Variants in INTS4 observed in about 807,000 individuals in gnomAD.
INTS4 encodes the protein integrator complex subunit 4, also known as MSTP093.
INTS4 carries 70 observed loss-of-function variants against 119.5 expected under a neutral mutation model. That is an observed-to-expected ratio of 0.59 (90% CI 0.48 to 0.71). The LOEUF (loss-of-function observed/expected upper bound fraction) is 0.71. Ranked by LOEUF, INTS4 falls within the 30% of genes least tolerant of loss-of-function variation. The pLI is 0.00. For synonymous variants in INTS4, 316 were observed against 419.6 expected, an observed-to-expected ratio of 0.75 and a Z score of 3.02; for missense variants, 867 against 1,173.2, an observed-to-expected ratio of 0.74 and a Z score of 3.81.
intron 21 of INTS4, among the ~76,000 whole-genome samples, chr11:77,890,328 C>G (rs1413317395): frequency 6.6e-6 from 1 of 152,186 alleles, no homozygotes; most frequent in Non-Finnish European, 1.5e-5. Flanking sequence ...ATCCTTACCT[C>G]CTCCAGGAAG....
intron 15 of INTS4, among the ~76,000 whole-genome samples, chr11:77,908,957 A>G (rs1049982018): frequency 5.3e-5 from 8 of 152,200 alleles, no homozygotes; most frequent in Non-Finnish European, 8.8e-5. Flanking sequence ...CCCAAGCCCA[A>G]TTCCAAGTAG....
chr11:77,991,089 ATCC>A lies in INTS4; in HGVS notation c.246+16_246+18del. ...AACTCCCATGATATACTCCCATCAG[ATCC>A]TCAAGATTTTCTTACCTTGTAATAA... On this transcript the variant is annotated intron_variant, in intron 2 of 22. Transcript: ENST00000534064. 1 of 1,605,202 alleles carries A rather than the reference ATCC, an allele frequency of 6.2e-7. No individual in the cohort carries two copies. The highest frequency in any genetic ancestry group is 2.2e-5 in the East Asian group (1 of 44,814).
At chr11:77,937,045 G>A (rs1476012366) in intron 10 of INTS4, among the ~76,000 whole-genome samples, 2 of 151,890 alleles carry the variant, frequency 1.3e-5, no homozygotes, top group African/African-American at 4.8e-5. Flanking sequence ...AGTGGTCGCG[G>A]GCACCTGCAG....
At chr11:77,975,895 T>C (rs1272477512) in intron 4 of INTS4, among the ~76,000 whole-genome samples, 1 of 150,720 alleles carries the variant, frequency 6.6e-6, no homozygotes, top group African/African-American at 2.4e-5. Flanking sequence ...GGCAGAGGTG[T>C]CAGTGAGCCG....
chr11:77,907,297 C>T (rs1417779893), intron 16 of INTS4, among the ~76,000 whole-genome samples: 1 of 152,150 alleles, frequency 6.6e-6, no homozygotes, highest in Non-Finnish European at 1.5e-5. Flanking sequence ...TGGTCTCAAA[C>T]TCTTGAGCTC....
At chr11:77,977,623 TAC>T (rs1308082027) in intron 4 of INTS4, among the ~76,000 whole-genome samples, 3 of 151,530 alleles carry the variant, frequency 2.0e-5, no homozygotes, top group African/African-American at 7.2e-5. Flanking sequence ...CATTTTTCTT[TAC>T]AGTTTTCAGT....
chr11:77,924,820 T>G lies in INTS4; in HGVS notation c.1444A>C (p.Ile482Leu), dbSNP rs1393684944. The G allele has an allele frequency of 6.3e-7, 1 of 1,590,388 alleles. No individual in the cohort carries two copies. Among genetic ancestry groups the G allele is most frequent in the Non-Finnish European group, 8.6e-7 (1 of 1,158,502 alleles). ...CCTNVSTKEG[I>L]HLALVELLKN... Reference sequence around the variant, plus strand: ...AGCAGCTCCACCAATGCAAGATGAATCCCTTCTTTGGTTGAAACATTAGTA... The same window carrying G: ...AGCAGCTCCACCAATGCAAGATGAAGCCCTTCTTTGGTTGAAACATTAGTA... The change falls in exon 12 of 23, where the codon ATT (isoleucine) becomes CTT (leucine). Residue 482 changes from isoleucine to leucine, a missense_variant. This residue lies in a region of INTS4 where 51 missense variants were observed against 125.5 expected (regional missense o/e 0.41). Transcript: ENST00000534064.
At position 77,883,847 on chromosome 11, in the gene INTS4, G is replaced by A. The variant is rs373879901; in HGVS notation, c.2698C>T (p.His900Tyr). The A allele has an allele frequency of 1.2e-6, 2 of 1,612,708 alleles. No homozygotes were observed. The highest frequency in any genetic ancestry group is 1.3e-5 in the African/African-American group (1 of 74,896). ...HRLITQVYLS[H>Y]TAWTEACQVE... ...GACTCCTTACCTGTCCAAGCGGTGT[G>A]GGAGAGATAAACCTGAGTGATGAGC... The change falls in exon 22 of 23, where the codon CAC (histidine) becomes TAC (tyrosine). Residue 900 changes from histidine to tyrosine, a missense_variant. His to Tyr is a moderately conservative substitution (Grantham distance 83). This residue lies in a region of INTS4 where 122 missense variants were observed against 133.2 expected (regional missense o/e 0.92). Coordinates refer to ENST00000534064, the MANE Select transcript of INTS4 (RefSeq NM_033547.4).
intron 4 of INTS4, among the ~76,000 whole-genome samples, chr11:77,968,142 T>TAAC (rs1855573303): frequency 6.6e-6 from 1 of 152,176 alleles, no homozygotes; most frequent in Non-Finnish European, 1.5e-5. Context: ...TATAATATTA[T>TAAC]AACCTTATGG....
Position 77,894,296 on chromosome 11 carries a change from A to C in INTS4, c.2282T>G (p.Phe761Cys). ...AGAGTTATAAAATACTTACCTCTGA[A>C]AAAAGTCTACTTCCTGTAAAAATTT... The part of the protein sequence containing the change: ...CEKFLQEVDF[F>C]QRYFIADLPH... The change falls in exon 19 of 23, where the codon TTT (phenylalanine) becomes TGT (cysteine). Residue 761 changes from phenylalanine (F) to cysteine (C), a missense_variant. Transcript: ENST00000534064. 1 of 1,536,740 alleles carries C rather than the reference A, an allele frequency of 6.5e-7. No individual in the cohort carries two copies. The highest frequency in any genetic ancestry group is 9.0e-7 in the Non-Finnish European group (1 of 1,115,506).
intron 4 of INTS4, among the ~76,000 whole-genome samples, chr11:77,975,733 G>A (rs935390767): frequency 1.4e-4 from 21 of 152,010 alleles, no homozygotes; most frequent in Admixed American, 9.2e-4. Flanking sequence ...CGAGGCGGGC[G>A]GATCATGAGG....
At chr11:77,990,925 G>A (rs1487437265) in intron 2 of INTS4, among the ~76,000 whole-genome samples, 183 bp downstream of exon 2, 2 of 151,982 alleles carry the variant, frequency 1.3e-5, no homozygotes, top group South Asian at 2.1e-4. Context: ...ACTATACACA[G>A]TATAACTTTC....
At chr11:77,877,110 C>A, downstream of INTS4, 1 of 695,174 alleles carries the variant, frequency 1.4e-6, no homozygotes, top group South Asian at 1.5e-5. Flanking sequence ...GTCCCTCTTT[C>A]GCACTCATGA....
intron 18 of INTS4, among the ~76,000 whole-genome samples, chr11:77,897,064 TG>T (rs1952556956): frequency 6.6e-6 from 1 of 151,978 alleles, no homozygotes; most frequent in African/African-American, 2.4e-5. Flanking sequence ...TATTCTGGTG[TG>T]GCGGGGGTTG....
At chr11:77,940,046 G>T (rs1381197272) in intron 9 of INTS4, among the ~76,000 whole-genome samples, 2 of 151,970 alleles carry the variant, frequency 1.3e-5, no homozygotes, top group Non-Finnish European at 2.9e-5. Context: ...TACTAACAAT[G>T]AATGTACATA....
intron 15 of INTS4, among the ~76,000 whole-genome samples, chr11:77,912,818 C>T (rs920228870): frequency 3.3e-5 from 5 of 152,164 alleles, no homozygotes; most frequent in African/African-American, 1.2e-4. Context: ...TCCAATACTA[C>T]ACAATAGGTG....
chr11:77,959,084 G>C (rs1421743102), intron 6 of INTS4, among the ~76,000 whole-genome samples: 1 of 152,110 alleles, frequency 6.6e-6, no homozygotes, highest in Non-Finnish European at 1.5e-5. Flanking sequence ...AAAACATCTA[G>C]AACAGATCAA....
At chr11:77,978,778 AT>A (rs1186832512) in intron 4 of INTS4, 2 of 266,204 alleles carry the variant, frequency 7.5e-6, no homozygotes, top group Non-Finnish European at 1.5e-5. Flanking sequence ...AGCAGAGTGC[AT>A]TATTAGGCAC....
intron 10 of INTS4, among the ~76,000 whole-genome samples, chr11:77,933,767 T>G (rs1365464845): frequency 6.6e-6 from 1 of 151,130 alleles, no homozygotes; most frequent in Non-Finnish European, 1.5e-5. Flanking sequence ...GCCGCCCGTC[T>G]GGGAAGTGAG....
Sources: allele counts gnomAD v4.1 joint callset (sites outside exome capture counted in the v4.1 genomes callset), GRCh38; gene constraint gnomAD v4.1.1; regional missense constraint gnomAD v4.1.1; transcripts MANE v1.5; gene names NCBI Gene and HGNC (gene_info 2026-07-23, HGNC 2026-07-21).